CREB1: variants seen among roughly 807,000 people sequenced by gnomAD.
The protein encoded by CREB1 is cAMP responsive element binding protein 1.
Under a neutral mutation model 42.0 loss-of-function variants are expected in CREB1, and 2 were observed. The ratio of observed to expected loss-of-function variants is 0.05; its 90% confidence interval spans 0.02 to 0.15. The LOEUF (loss-of-function observed/expected upper bound fraction) is 0.15. Ranked by LOEUF, CREB1 falls within the 10% of genes least tolerant of loss-of-function variation. The pLI, the probability that CREB1 is intolerant of heterozygous loss-of-function variation, is 1.00. For missense variants in CREB1, 199 were observed against 388.9 expected (o/e 0.51, Z 4.11); for synonymous variants, 123 against 139.9 (o/e 0.88, Z 0.85).
At chr2:207,531,210 G>T (rs2080611476) in intron 1 of CREB1, among the ~76,000 whole-genome samples, 3 of 151,966 alleles carry the variant, frequency 2.0e-5, no homozygotes, top group Admixed American at 1.3e-4. Flanking sequence ...ACATCATTTC[G>T]CGGGGTGCAA....
intron 7 of CREB1, among the ~76,000 whole-genome samples, chr2:207,590,629 T>C (rs2084855925): frequency 6.6e-6 from 1 of 152,146 alleles, no homozygotes; most frequent in South Asian, 2.1e-4. Flanking sequence ...AATAGTTGGA[T>C]CAGTTTGGCA....
chr2:207,566,763 A>G (rs1233128310), intron 3 of CREB1, among the ~76,000 whole-genome samples: 1 of 152,212 alleles, frequency 6.6e-6, no homozygotes, highest in African/African-American at 2.4e-5. Flanking sequence ...TAAGTAATGT[A>G]GTATATGTAA....
chr2:207,541,711 A>G (rs575229849), intron 1 of CREB1, among the ~76,000 whole-genome samples: 13 of 152,336 alleles, frequency 8.5e-5, no homozygotes, highest in South Asian at 2.1e-4. Context: ...CACATACTCT[A>G]CAATACACCC....
chr2:207,549,657 A>G (rs528783292), intron 1 of CREB1, among the ~76,000 whole-genome samples: 43 of 152,200 alleles, frequency 2.8e-4, no homozygotes, highest in Non-Finnish European at 5.7e-4. Context: ...GGCAGATCAC[A>G]AGGTCAGGAA....
At chr2:207,537,893 T>TTC (rs1442118076) in intron 1 of CREB1, among the ~76,000 whole-genome samples, 1 of 152,194 alleles carries the variant, frequency 6.6e-6, no homozygotes, top group Admixed American at 6.5e-5. Flanking sequence ...CCAGAAGTAT[T>TTC]TCCAGTTTTG....
rs1575061854 is a variant in CREB1 at position 207,600,242 on chromosome 2, T to C, written c.*3184T>C. 2 of 137,536 alleles carry C rather than the reference T, an allele frequency of 1.5e-5. No homozygotes were observed. The highest frequency in any genetic ancestry group is 2.3e-4 in the South Asian group (1 of 4,386). The allele number at this position is 137,536 out of a possible 1,614,324, so 8.5% of individuals were successfully genotyped here. Reference sequence around the variant, plus strand: ...CATTTGTATAATATATGTGTACATATATATATATATATATATATATACATA... The same window carrying C: ...CATTTGTATAATATATGTGTACATACATATATATATATATATATATACATA... On this transcript the variant is annotated 3_prime_UTR_variant, in exon 8 of 8. Transcript: ENST00000353267.
chr2:207,558,383 T>G (rs1431320224), intron 2 of CREB1, among the ~76,000 whole-genome samples: 2 of 152,242 alleles, frequency 1.3e-5, no homozygotes, highest in Non-Finnish European at 2.9e-5. Flanking sequence ...AAGGACAGTC[T>G]GCCAATTCTC....
At chr2:207,567,419 G>T in intron 3 of CREB1, 44 bp from the exon 4 acceptor site, 1 of 1,383,698 alleles carries the variant, frequency 7.2e-7, no homozygotes, top group South Asian at 1.2e-5. Context: ...AATTTTACAG[G>T]AACTAAATTT....
intron 5 of CREB1, 138 bp downstream of exon 5, chr2:207,570,459 A>C (rs1031176218): frequency 5.3e-6 from 4 of 758,844 alleles, no homozygotes; most frequent in Non-Finnish European, 8.1e-6. Flanking sequence ...TATTTCCTTT[A>C]CTCTTCACTA....
intron 6 of CREB1, 46 bp from the exon 7 acceptor site, chr2:207,577,459 A>C (rs1363360435): frequency 6.3e-7 from 1 of 1,597,462 alleles, no homozygotes; most frequent in Non-Finnish European, 8.6e-7. Context: ...TAATTGAATC[A>C]AGTTGCAATG....
chr2:207,592,360 C>G (rs913352921), intron 7 of CREB1, among the ~76,000 whole-genome samples: 18 of 152,062 alleles, frequency 1.2e-4, no homozygotes, highest in Non-Finnish European at 2.4e-4. Flanking sequence ...TAGCCCAGAT[C>G]ACGCCACTGC....
intron 7 of CREB1, among the ~76,000 whole-genome samples, chr2:207,588,229 G>A (rs893134372): frequency 3.3e-5 from 5 of 152,260 alleles, no homozygotes; most frequent in Admixed American, 6.5e-5. Flanking sequence ...TAAGGTGTGA[G>A]GATGTGTCGA....
At chr2:207,555,416 TTTC>T in intron 1 of CREB1, among the ~76,000 whole-genome samples, 1 of 152,350 alleles carries the variant, frequency 6.6e-6, no homozygotes, top group Admixed American at 6.5e-5. Context: ...GAAATGTTTT[TTTC>T]TTCTTTGAAG....
chr2:207,561,006 G>A (rs932674443), intron 3 of CREB1: 17 of 896,200 alleles, frequency 1.9e-5, no homozygotes, highest in Non-Finnish European at 2.5e-5. Flanking sequence ...TAACTGTAGG[G>A]AACCGAGAGC....
chr2:207,559,322 C>A (rs1296342482), intron 2 of CREB1: 3 of 977,796 alleles, frequency 3.1e-6, no homozygotes, highest in Non-Finnish European at 2.4e-6. Context: ...CTGATAGCCT[C>A]CCCTTCTCTT....
At chr2:207,590,412 A>G (rs933128394) in intron 7 of CREB1, among the ~76,000 whole-genome samples, 14 of 151,848 alleles carry the variant, frequency 9.2e-5, no homozygotes, top group African/African-American at 3.4e-4. Context: ...TAAGCAACCA[A>G]AATTCTTAGT....
intron 2 of CREB1, among the ~76,000 whole-genome samples, chr2:207,556,254 A>G (rs763279317): frequency 2.6e-5 from 4 of 152,146 alleles, no homozygotes; most frequent in Non-Finnish European, 5.9e-5. Flanking sequence ...CTTTCATTTC[A>G]TCTTTCTCTT....
intron 3 of CREB1, among the ~76,000 whole-genome samples, chr2:207,565,939 T>C (rs1296976523): frequency 6.6e-6 from 1 of 152,212 alleles, no homozygotes; most frequent in Non-Finnish European, 1.5e-5. Context: ...AGCTACTGAT[T>C]AACGTGAAAC....
chr2:207,560,055 A>G (rs2081894003), intron 2 of CREB1, among the ~76,000 whole-genome samples, 171 bp from the exon 3 acceptor site: 1 of 152,156 alleles, frequency 6.6e-6, no homozygotes, highest in Non-Finnish European at 1.5e-5. Context: ...GGTGTTTTTT[A>G]TAGTGTTTTT....
Sources: allele counts gnomAD v4.1 joint callset (sites outside exome capture counted in the v4.1 genomes callset), GRCh38; gene constraint gnomAD v4.1.1; transcripts MANE v1.5; gene names NCBI Gene and HGNC (gene_info 2026-07-23, HGNC 2026-07-21).